The following OPCML variants were observed in gnomAD, a reference collection of about 807,000 sequenced individuals.
The protein encoded by OPCML is opioid binding protein/cell adhesion molecule like.
Under a neutral mutation model 37.8 loss-of-function variants are expected in OPCML, and 13 were observed. That is an observed-to-expected ratio of 0.34 (90% CI 0.22 to 0.55). OPCML has a LOEUF of 0.55. Ranked by LOEUF, OPCML falls within the 20% of genes least tolerant of loss-of-function variation. The probability of loss-of-function intolerance (pLI) is 0.91; values close to 1 mark genes in which losing one functional copy is unlikely to be tolerated. For synonymous variants in OPCML, 176 were observed against 168.8 expected, an observed-to-expected ratio of 1.04 and a Z score of -0.33; for missense variants, 341 against 435.6, an observed-to-expected ratio of 0.78 and a Z score of 1.93.
chr11:132,874,420 CCCTT>C (rs1555201550), intron 2 of OPCML, among the ~76,000 whole-genome samples: 102 of 144,232 alleles, frequency 7.1e-4, no homozygotes, highest in East Asian at 1.2e-3. Flanking sequence ...CTCCCTCCCT[CCCTT>C]CCTTCCTTCT....
intron 7 of OPCML, among the ~76,000 whole-genome samples, chr11:132,434,658 G>A (rs11826959): frequency 0.014 from 2,143 of 152,170 alleles, 53 homozygotes; most frequent in African/African-American, 0.048. Context: ...ACCAGTACAC[G>A]TTTGGTAAAT....
At chr11:133,238,369 A>G (rs1185599796) in intron 1 of OPCML, among the ~76,000 whole-genome samples, 3 of 152,252 alleles carry the variant, frequency 2.0e-5, no homozygotes, top group African/African-American at 7.2e-5. Flanking sequence ...ACAAAGATGT[A>G]AAATAAGAAA....
At chr11:132,649,703 T>C (rs940857832) in intron 3 of OPCML, among the ~76,000 whole-genome samples, 1 of 152,148 alleles carries the variant, frequency 6.6e-6, no homozygotes, top group Non-Finnish European at 1.5e-5. Flanking sequence ...ACCTCAAACA[T>C]TGAACATGTA....
At chr11:132,552,473 A>G (rs2096383964) in intron 3 of OPCML, among the ~76,000 whole-genome samples, 1 of 152,186 alleles carries the variant, frequency 6.6e-6, no homozygotes. Flanking sequence ...TTATTTTCAC[A>G]AAACAAGAAG....
intron 1 of OPCML, among the ~76,000 whole-genome samples, chr11:133,326,643 T>G (rs1592203722): frequency 1.0e-4 from 5 of 49,152 alleles, no homozygotes; most frequent in Non-Finnish European, 1.1e-4. Context: ...ATGTGGGTGT[T>G]GGGGAGTGTG....
chr11:133,218,946 T>C (rs1029898912), intron 1 of OPCML, among the ~76,000 whole-genome samples: 3 of 152,230 alleles, frequency 2.0e-5, no homozygotes, highest in Non-Finnish European at 2.9e-5. Context: ...TAATCCTTTG[T>C]TCTCCCTGGT....
intron 1 of OPCML, among the ~76,000 whole-genome samples, chr11:133,429,646 T>G (rs957449335): frequency 3.9e-5 from 6 of 152,192 alleles, no homozygotes; most frequent in Admixed American, 2.6e-4. Flanking sequence ...GTCAACAGGA[T>G]TTACTGAAGG....
intron 1 of OPCML, among the ~76,000 whole-genome samples, chr11:133,487,775 TTGTGTGTGTGTGTG>T (rs10625092): frequency 6.8e-6 from 1 of 147,362 alleles, no homozygotes; most frequent in Non-Finnish European, 1.5e-5. Flanking sequence ...TACTCTGTGT[TTGTGTGTGTGTGTG>T]TGTGTGTGTG....
At position 132,527,375 on chromosome 11, in the gene OPCML, A is replaced by G. The variant is rs552736327; in HGVS notation, c.505+1686T>C. ...TAATATATAAAGCTTCAGTTGATCCACATCCTCACCAACACTCGATATTAT... is the reference window on the plus strand; with the variant it reads ...TAATATATAAAGCTTCAGTTGATCCGCATCCTCACCAACACTCGATATTAT... On this transcript the variant is annotated intron_variant, in intron 4 of 7. Transcript: ENST00000524381. Among the ~76,000 whole-genome samples, 19 of 152,322 alleles carry G rather than the reference A, an allele frequency of 1.2e-4. No individual in the cohort carries two copies. The South Asian group carries it at 3.7e-3, about 30-fold the overall frequency.
rs973430112 is a variant in OPCML, at chr11:133,205,428, A to G, written c.62-262418T>C. On this transcript the variant is annotated intron_variant, in intron 1 of 7. Transcript: ENST00000524381. The surrounding 1 kb of genome is among the most constrained non-coding windows in gnomAD (Gnocchi z 4.8). ...TGTGATCCACTCTAGTAAATGAATT[A>G]AACCTGAAGAGGTGGGGGCTGGGAA... 2.0e-5 allele frequency among the ~76,000 whole-genome samples: 3 copies of G among 152,128 alleles called. No individual in the cohort carries two copies. The highest frequency in any genetic ancestry group is 4.4e-5 in the Non-Finnish European group (3 of 68,030).
At chr11:132,942,777 G>T (rs977799888) in intron 2 of OPCML, 149 bp downstream of exon 2, 69 of 986,562 alleles carry the variant, frequency 7.0e-5, no homozygotes, top group Non-Finnish European at 9.9e-5. Context: ...ACGGCAGTCG[G>T]CACGGCAGCA....
rs544723381 is a variant in OPCML at position 132,606,805 on chromosome 11, A to C, written c.379+50282T>G. Among the ~76,000 whole-genome samples, 18 of 152,278 alleles carry C rather than the reference A, an allele frequency of 1.2e-4. No individual in the cohort carries two copies. The South Asian group carries it at 3.7e-3, about 32-fold the overall frequency. The stretch of plus-strand genomic sequence containing the variant: ...AAATCTGCAAGTGAAATAAGAAAAA[A>C]TCCCATGGACTTGGGGCTGGAATTG... On this transcript the variant is annotated intron_variant, in intron 3 of 7. Transcript: ENST00000524381.
At chr11:132,979,544 T>G (rs1946539585) in intron 1 of OPCML, among the ~76,000 whole-genome samples, 1 of 152,206 alleles carries the variant, frequency 6.6e-6, no homozygotes, top group African/African-American at 2.4e-5. Context: ...TGAGACCTCC[T>G]CTCCACAACC....
chr11:132,877,768 C>G (rs991120752), intron 2 of OPCML, among the ~76,000 whole-genome samples: 2 of 152,160 alleles, frequency 1.3e-5, no homozygotes, highest in Non-Finnish European at 2.9e-5. Flanking sequence ...TGGGGTCATG[C>G]AAAACAGCTT....
At chr11:133,183,635 T>C (rs1937940752) in intron 1 of OPCML, among the ~76,000 whole-genome samples, 1 of 152,208 alleles carries the variant, frequency 6.6e-6, no homozygotes, top group Non-Finnish European at 1.5e-5. Context: ...GAGTGTATTG[T>C]ATGTGAGATC....
chr11:132,434,377 G>A (rs1344451346), intron 7 of OPCML, among the ~76,000 whole-genome samples: 1 of 152,184 alleles, frequency 6.6e-6, no homozygotes, highest in African/African-American at 2.4e-5. Flanking sequence ...TGGAAGCAGA[G>A]CTGAGCAGCA....
At chr11:133,264,031 T>A (rs188398476) in intron 1 of OPCML, among the ~76,000 whole-genome samples, 87 of 152,270 alleles carry the variant, frequency 5.7e-4, no homozygotes, top group Admixed American at 1.2e-3. Context: ...TCTATTTTAT[T>A]CTCCCTTCCT....
intron 2 of OPCML, among the ~76,000 whole-genome samples, chr11:132,844,951 A>AT (rs1941456780): frequency 6.6e-6 from 1 of 151,134 alleles, no homozygotes; most frequent in Non-Finnish European, 1.5e-5. Flanking sequence ...GAAATGTAAA[A>AT]AAAAAAAAAA....
chr11:132,831,432 A>G (rs1652375532), intron 2 of OPCML, among the ~76,000 whole-genome samples: 1 of 152,168 alleles, frequency 6.6e-6, no homozygotes, highest in South Asian at 2.1e-4. Flanking sequence ...ATCACAGGCG[A>G]TGAGAACTGC....
Sources: allele counts gnomAD v4.1 joint callset (sites outside exome capture counted in the v4.1 genomes callset), GRCh38; gene constraint gnomAD v4.1.1; non-coding constraint Gnocchi (gnomAD v3.1); transcripts MANE v1.5; gene names NCBI Gene and HGNC (gene_info 2026-07-23, HGNC 2026-07-21).